Variants in FMN2 observed in about 807,000 individuals in gnomAD.
FMN2 encodes the protein formin-2.
Under a neutral mutation model 142.3 loss-of-function variants are expected in FMN2, and 51 were observed. That is an observed-to-expected ratio of 0.36 (90% confidence interval 0.29 to 0.45). The LOEUF is 0.45. Among genes scored for constraint, FMN2 ranks in the 20% least tolerant of loss-of-function variants. The pLI is 1.00. For synonymous variants in FMN2, 882 were observed against 869.8 expected, an observed-to-expected ratio of 1.01 and a Z score of -0.25; for missense variants, 1,936 against 2,122.8, an observed-to-expected ratio of 0.91 and a Z score of 1.73.
chr1:240,300,962 C>A (rs1670179668), intron 8 of FMN2, among the ~76,000 whole-genome samples: 1 of 150,744 alleles, frequency 6.6e-6, no homozygotes, highest in Admixed American at 6.6e-5. Context: ...GTTTGAATTG[C>A]ATCTCTCATA....
chr1:240,211,804 G>A (rs1455551865), intron 6 of FMN2, among the ~76,000 whole-genome samples: 2 of 152,154 alleles, frequency 1.3e-5, no homozygotes, highest in Non-Finnish European at 2.9e-5. Context: ...TAAAAAGAAA[G>A]ATTGGTGCAT....
intron 15 of FMN2, among the ~76,000 whole-genome samples, chr1:240,406,604 T>A (rs765441699): frequency 2.0e-4 from 30 of 152,160 alleles, no homozygotes; most frequent in Non-Finnish European, 3.4e-4. Flanking sequence ...GTGGCTAGAG[T>A]TAGCATATTA....
intron 4 of FMN2, among the ~76,000 whole-genome samples, chr1:240,202,171 G>A (rs530563474): frequency 6.6e-6 from 1 of 152,272 alleles, no homozygotes; most frequent in African/African-American, 2.4e-5. Flanking sequence ...TTCTGTAAAC[G>A]GGAAGGGGAG....
intron 6 of FMN2, among the ~76,000 whole-genome samples, chr1:240,228,931 A>T (rs984398780): frequency 6.6e-6 from 1 of 152,080 alleles, no homozygotes; most frequent in African/African-American, 2.4e-5. Context: ...TGAAGAGACT[A>T]AAGATATATG....
chr1:240,442,122 C>G (rs1327740147), intron 16 of FMN2, among the ~76,000 whole-genome samples: 2 of 152,110 alleles, frequency 1.3e-5, no homozygotes, highest in African/African-American at 4.8e-5. Flanking sequence ...CAAATGTCCT[C>G]TCTCTATTCT....
At chr1:240,167,444 G>T (rs1393161087) in intron 2 of FMN2, among the ~76,000 whole-genome samples, 1 of 152,054 alleles carries the variant, frequency 6.6e-6, no homozygotes, top group African/African-American at 2.4e-5. Context: ...CATAGTGCCT[G>T]GCCTATTTGT....
chr1:240,338,556 A>G (rs1410528044), intron 13 of FMN2, among the ~76,000 whole-genome samples: 1 of 152,168 alleles, frequency 6.6e-6, no homozygotes, highest in Non-Finnish European at 1.5e-5. Context: ...TATGCTGGGC[A>G]CTGTTCTGAG....
chr1:240,312,963 C>T (rs1309138915), intron 8 of FMN2, among the ~76,000 whole-genome samples: 1 of 152,190 alleles, frequency 6.6e-6, no homozygotes. Context: ...TAGAACTCCC[C>T]AGCACTTCTT....
intron 14 of FMN2, among the ~76,000 whole-genome samples, chr1:240,362,654 T>A (rs1354280125): frequency 6.6e-6 from 1 of 152,222 alleles, no homozygotes; most frequent in African/African-American, 2.4e-5. Flanking sequence ...TTGAAGTCAC[T>A]GGGAGAGAAA....
rs771085071 is a variant in FMN2, at chr1:240,178,029, C to T, written c.1891C>T (p.Pro631Ser). The T allele has an allele frequency of 5.6e-6, 9 of 1,611,024 alleles. No individual in the cohort carries two copies. In the East Asian group the frequency reaches 6.7e-5, roughly 12 times the overall value. The change falls in exon 3 of 18, where the codon CCT (proline) becomes TCT (serine). Residue 631 changes from proline (P) to serine (S), a missense_variant. Pro to Ser is a moderately conservative substitution (Grantham distance 74). This residue lies in a region of FMN2 where 478 missense variants were observed against 462.8 expected (regional missense o/e 1.03). Transcript: ENST00000319653. ...TCCATCCATGGGGCCACCATCCAAA[C>T]CTCCCGATGAGGAACACAGGCTCGA... ...RVPSMGPPSK[P>S]PDEEHRLEDA...
chr1:240,095,619 C>T (rs1425370929), intron 1 of FMN2, among the ~76,000 whole-genome samples: 14 of 151,856 alleles, frequency 9.2e-5, no homozygotes, highest in Non-Finnish European at 1.9e-4. Flanking sequence ...GGGAACATCA[C>T]GGATGCAGTG....
chr1:240,262,759 C>CTTTTTTTTT (rs764626617), intron 7 of FMN2, among the ~76,000 whole-genome samples: 1 of 117,770 alleles, frequency 8.5e-6, no homozygotes, highest in African/African-American at 3.2e-5. Flanking sequence ...AAAACTTTTA[C>CTTTTTTTTT]TTTTTTTTTT....
intron 14 of FMN2, among the ~76,000 whole-genome samples, chr1:240,368,758 T>C (rs190094125): frequency 1.6e-4 from 24 of 152,104 alleles, no homozygotes; most frequent in African/African-American, 5.8e-4. Context: ...GGGGCATAAT[T>C]AGAGGAATAC....
intron 14 of FMN2, among the ~76,000 whole-genome samples, chr1:240,378,388 T>G (rs1367392237): frequency 1.3e-5 from 2 of 152,156 alleles, no homozygotes; most frequent in Non-Finnish European, 2.9e-5. Flanking sequence ...TGACCTCAGG[T>G]GATCCACCCA....
At chr1:240,106,097 A>G (rs138417734) in intron 1 of FMN2, among the ~76,000 whole-genome samples, 2 of 152,332 alleles carry the variant, frequency 1.3e-5, no homozygotes, top group African/African-American at 4.8e-5. Flanking sequence ...ATACTTCAAA[A>G]GCATAATTTA....
intron 14 of FMN2, among the ~76,000 whole-genome samples, chr1:240,387,157 T>C (rs1327269061): frequency 1.3e-5 from 2 of 152,234 alleles, no homozygotes; most frequent in African/African-American, 4.8e-5. Context: ...TTGCCTTTTT[T>C]CTTAAACTAC....
chr1:240,410,626 G>A (rs986048267), intron 15 of FMN2, among the ~76,000 whole-genome samples: 4 of 152,082 alleles, frequency 2.6e-5, no homozygotes, highest in Non-Finnish European at 5.9e-5. Context: ...GAAATTTTTT[G>A]GGATTTAGAA....
At position 240,438,054 on chromosome 1, in the gene FMN2, T is replaced by C; in HGVS notation, c.4911-7T>C. The C allele has an allele frequency of 1.2e-6, 2 of 1,611,536 alleles. No homozygotes were observed. The highest frequency in any genetic ancestry group is 1.7e-4 in the Middle Eastern group (1 of 6,044). Reference sequence around the variant, plus strand: ...TTTTATGCTTTTGTGTGTGTATGATTTGACAGCTTTTTGGAGACCACGGCA... The same window carrying C: ...TTTTATGCTTTTGTGTGTGTATGATCTGACAGCTTTTTGGAGACCACGGCA... On this transcript the variant is annotated splice_polypyrimidine_tract_variant and splice_region_variant and intron_variant, in intron 15 of 17. Coordinates refer to ENST00000319653, the MANE Select transcript of FMN2 (RefSeq NM_020066.5).
chr1:240,142,835 C>G (rs558165503), intron 2 of FMN2: 16 of 1,585,922 alleles, frequency 1.0e-5, no homozygotes, highest in Non-Finnish European at 1.3e-5. Context: ...CAGCCTGGCC[C>G]ACCACATCCA....
Sources: allele counts gnomAD v4.1 joint callset (sites outside exome capture counted in the v4.1 genomes callset), GRCh38; gene constraint gnomAD v4.1.1; regional missense constraint gnomAD v4.1.1; transcripts MANE v1.5; gene names NCBI Gene and HGNC (gene_info 2026-07-23, HGNC 2026-07-21).